OR14I1: variants seen among roughly 807,000 people sequenced by gnomAD.
OR14I1 encodes the protein olfactory receptor family 14 subfamily I member 1.
For synonymous variants in OR14I1, 118 were observed against 71.1 expected (o/e 1.66, Z -3.32); for missense variants, 279 against 181.8 (o/e 1.53, Z -3.07).
chr1:248,681,490 A>G (rs1469006332), exon 1 of OR14I1: 1 of 781,074 alleles, frequency 1.3e-6, no homozygotes, highest in Non-Finnish European at 2.4e-6. Flanking sequence ...TGTCAGAGCA[A>G]TCACTAAATC....
the OR14I1 span, among the ~76,000 whole-genome samples, chr1:248,689,766 A>G: frequency 1.3e-5 from 2 of 152,244 alleles, no homozygotes; most frequent in Non-Finnish European, 2.9e-5. Context: ...TCAAATCAAC[A>G]GAATATACAT....
the OR14I1 span, among the ~76,000 whole-genome samples, chr1:248,701,611 AC>A: frequency 6.6e-6 from 1 of 152,228 alleles, no homozygotes; most frequent in Non-Finnish European, 1.5e-5. Context: ...TGTTCATAAT[AC>A]TGAGTGGACA....
the OR14I1 span, among the ~76,000 whole-genome samples, chr1:248,687,862 G>GAT: frequency 6.6e-6 from 1 of 152,206 alleles, no homozygotes; most frequent in South Asian, 2.1e-4. Context: ...CATACATCCA[G>GAT]ATATAGATAG....
chr1:248,680,357 C>T (rs1472434815), downstream of OR14I1, among the ~76,000 whole-genome samples: 1 of 152,182 alleles, frequency 6.6e-6, no homozygotes, highest in East Asian at 1.9e-4. Context: ...AAGTCCAGTG[C>T]CTAATGGAGA....
Position 248,681,871 on chromosome 1 carries a change from GTGACTGCCATC to G in OR14I1, c.423_433del (p.Gln141HisfsTer34). Reference sequence around the variant, plus strand: ...GTAGGAAAAGCAGCTTAGCCAGGTGGTGACTGCCATCTGATAGCACCCTCCTGATGTCATCA... The same window carrying G: ...GTAGGAAAAGCAGCTTAGCCAGGTGGTGATAGCACCCTCCTGATGTCATCA... On this transcript the variant is annotated frameshift_variant, in exon 1 of 1. Coordinates refer to ENST00000342623, the Ensembl canonical transcript of OR14I1. LOFTEE classifies it low-confidence loss of function (END_TRUNC). The G allele has an allele frequency of 1.3e-6, 1 of 781,074 alleles. No homozygotes were observed. The highest frequency in any genetic ancestry group is 2.4e-5 in the East Asian group (1 of 41,254). 48.4% of individuals were successfully genotyped at this position (781,074 alleles called of 1,614,324 possible). A position where few individuals can be genotyped will look rare whatever the true frequency, so the allele number is the denominator to read the frequency against.
At chr1:248,679,685 G>A (rs6686418), downstream of OR14I1, among the ~76,000 whole-genome samples, 1 of 151,882 alleles carries the variant, frequency 6.6e-6, no homozygotes, top group Admixed American at 6.6e-5. Context: ...GCCTTATCAG[G>A]TATAGCTGGT....
the OR14I1 span, among the ~76,000 whole-genome samples, chr1:248,699,387 A>G: frequency 1.6e-4 from 24 of 152,218 alleles, no homozygotes; most frequent in Non-Finnish European, 1.8e-4. Context: ...ATAGGGTAAA[A>G]GTAGAAGACT....
At chr1:248,693,039 G>T in the OR14I1 span, among the ~76,000 whole-genome samples, 4 of 152,198 alleles carry the variant, frequency 2.6e-5, no homozygotes, top group African/African-American at 4.8e-5. Flanking sequence ...GGTACTGTGT[G>T]AGCAGCCTCT....
downstream of OR14I1, among the ~76,000 whole-genome samples, chr1:248,680,951 G>C: frequency 7.5e-6 from 1 of 133,338 alleles, no homozygotes; most frequent in South Asian, 2.7e-4. Flanking sequence ...GCTAAATCAG[G>C]TACTAAAACT....
the OR14I1 span, among the ~76,000 whole-genome samples, chr1:248,696,525 T>C: frequency 6.6e-6 from 1 of 152,208 alleles, no homozygotes; most frequent in South Asian, 2.1e-4. Flanking sequence ...AGGCAGATAG[T>C]GCAGAAGAAG....
At chr1:248,693,503 A>G in the OR14I1 span, among the ~76,000 whole-genome samples, 1 of 151,106 alleles carries the variant, frequency 6.6e-6, no homozygotes, top group Non-Finnish European at 1.5e-5. Context: ...GATTTTTGAT[A>G]AGATAAAAGA....
At chr1:248,696,955 C>T in the OR14I1 span, 3 of 152,108 alleles carry the variant, frequency 2.0e-5, no homozygotes, top group Admixed American at 6.5e-5. Context: ...CTAGTTCTAG[C>T]GGCTGTTCTA....
Position 248,681,727 on chromosome 1 carries a change from A to G in OR14I1, c.578T>C (p.Val193Ala), listed in dbSNP as rs371019053. The G allele has an allele frequency of 7.7e-6, 6 of 780,976 alleles. No homozygotes were observed. The African/African-American group carries it at 8.5e-5, about 11-fold the overall frequency. The allele number at this position is 780,976 out of a possible 1,614,324, so 48.4% of individuals were successfully genotyped here. ...GCTCAGGGCCAGGGTCAAAAACTCT[A>G]CAAAGAAAACCTCACAGGAAACCAG... The change falls in exon 1 of 1, where the codon GTA becomes GCA. Residue 193 changes from valine (V) to alanine (A), a missense_variant. Transcript: ENST00000342623.
chr1:248,691,803 G>GT, the OR14I1 span: 6 of 152,494 alleles, frequency 3.9e-5, no homozygotes, highest in Non-Finnish European at 7.3e-5. Flanking sequence ...TCAGGTACGG[G>GT]TTCACCAAGC....
At chr1:248,700,912 T>C in the OR14I1 span, among the ~76,000 whole-genome samples, 2 of 152,340 alleles carry the variant, frequency 1.3e-5, no homozygotes, top group Non-Finnish European at 2.9e-5. Flanking sequence ...AGATTTACTA[T>C]ATTATTAACT....
the OR14I1 span, among the ~76,000 whole-genome samples, chr1:248,690,093 T>C: frequency 1.3e-5 from 2 of 152,166 alleles, no homozygotes; most frequent in African/African-American, 4.8e-5. Flanking sequence ...TAGAGGGAAA[T>C]TTATAGCATT....
chr1:248,678,357 G>A, downstream of OR14I1, among the ~76,000 whole-genome samples: 1 of 152,284 alleles, frequency 6.6e-6, no homozygotes, highest in South Asian at 2.1e-4. Flanking sequence ...CAGCAAGATA[G>A]ACCATTTCAC....
chr1:248,678,291 G>A (rs1278387811), downstream of OR14I1, among the ~76,000 whole-genome samples: 1 of 152,212 alleles, frequency 6.6e-6, no homozygotes, highest in African/African-American at 2.4e-5. Flanking sequence ...TAATGTCTTT[G>A]AGGACATTCC....
chr1:248,700,275 C>G, the OR14I1 span, among the ~76,000 whole-genome samples: 12 of 152,302 alleles, frequency 7.9e-5, no homozygotes, highest in East Asian at 2.1e-3. Flanking sequence ...AGTAAAAGAT[C>G]ATAATTTATT....
Sources: gnomAD v4.1 joint callset for allele counts (sites outside exome capture counted in the v4.1 genomes callset) on GRCh38, gnomAD v4.1.1 for gene constraint, MANE v1.5 for transcripts, NCBI Gene and HGNC (gene_info 2026-07-23, HGNC 2026-07-21) for gene names.